The following TMEM132D variants were observed in gnomAD, a reference collection of about 807,000 sequenced individuals.
TMEM132D encodes mature OL transmembrane protein.
Under a neutral mutation model 62.3 loss-of-function variants are expected in TMEM132D, and 21 were observed. The ratio of observed to expected loss-of-function variants is 0.34; its 90% CI spans 0.24 to 0.49. The LOEUF is 0.49. Among genes scored for constraint, TMEM132D ranks in the 20% least tolerant of loss-of-function variants. TMEM132D has a pLI of 0.99. For synonymous variants in TMEM132D, 621 were observed against 575.6 expected, an observed-to-expected ratio of 1.08 and a Z score of -1.13; for missense variants, 1,346 against 1,402.8, an observed-to-expected ratio of 0.96 and a Z score of 0.65.
chr12:129,263,951 C>T (rs1018784711), intron 4 of TMEM132D, among the ~76,000 whole-genome samples: 5 of 152,076 alleles, frequency 3.3e-5, no homozygotes, highest in Non-Finnish European at 5.9e-5. Flanking sequence ...CTGAAGATAG[C>T]GGGAAGATGC....
At chr12:129,180,482 C>A (rs1021749063) in intron 5 of TMEM132D, among the ~76,000 whole-genome samples, 8 of 152,136 alleles carry the variant, frequency 5.3e-5, no homozygotes, top group African/African-American at 9.7e-5. Context: ...TACTGAGCAC[C>A]CACTGTATAC....
chr12:129,413,645 T>C (rs79005909), intron 3 of TMEM132D, among the ~76,000 whole-genome samples: 25,658 of 152,156 alleles, frequency 0.17, 2,458 homozygotes, highest in Non-Finnish European at 0.22. Context: ...ATTAGTCTTT[T>C]GAAAATGATA....
At chr12:129,175,923 T>G (rs1187070080) in intron 5 of TMEM132D, among the ~76,000 whole-genome samples, 1 of 152,248 alleles carries the variant, frequency 6.6e-6, no homozygotes, top group Non-Finnish European at 1.5e-5. Context: ...GTAAAATGTC[T>G]GGCAGAGTCC....
intron 5 of TMEM132D, among the ~76,000 whole-genome samples, chr12:129,105,991 A>G (rs1484260018): frequency 3.3e-5 from 5 of 151,842 alleles, no homozygotes; most frequent in Admixed American, 6.6e-5. Context: ...GGCACTATTC[A>G]CGATAGCAAA....
rs184821108 is a variant in TMEM132D, at chr12:129,275,241, A to G, written c.1299+62393T>C. ...TGCTGTAGTGAGCCATGATTGCACC[A>G]CTGCACTACAGCCTGGGTGACAAAG... On this transcript the variant is annotated intron_variant, in intron 4 of 8. Transcript: ENST00000422113. 3.7e-3 allele frequency among the ~76,000 whole-genome samples: 558 copies of G among 152,316 alleles called. 3 individuals are homozygous for G. Among genetic ancestry groups the G allele is most frequent in the Admixed American group, 5.8e-3 (88 of 15,296 alleles).
At chr12:129,116,918 CAAAAAAAAAAAAAAAA>C (rs60513263) in intron 5 of TMEM132D, among the ~76,000 whole-genome samples, 3 of 58,990 alleles carry the variant, frequency 5.1e-5, no homozygotes, top group South Asian at 2.1e-3. Flanking sequence ...AAAATTTCCG[CAAAAAAAAAAAAAAAA>C]AAAAAAAAAA....
intron 2 of TMEM132D, among the ~76,000 whole-genome samples, chr12:129,541,828 G>A (rs1480903326): frequency 2.0e-5 from 3 of 152,098 alleles, no homozygotes; most frequent in South Asian, 2.1e-4. Context: ...TAGCTATGAT[G>A]ATGATTATTA....
At chr12:129,865,517 G>T (rs1170867141) in intron 1 of TMEM132D, among the ~76,000 whole-genome samples, 1 of 152,106 alleles carries the variant, frequency 6.6e-6, no homozygotes, top group African/African-American at 2.4e-5. Flanking sequence ...ACAGTTCTAC[G>T]AACACTCCAA....
At chr12:129,850,645 G>A (rs914557650) in intron 1 of TMEM132D, among the ~76,000 whole-genome samples, 1 of 152,152 alleles carries the variant, frequency 6.6e-6, no homozygotes, top group Non-Finnish European at 1.5e-5. Flanking sequence ...TAGGAATCAG[G>A]ACGTTTTCTA....
At chr12:129,237,951 T>C (rs1490638078) in intron 4 of TMEM132D, among the ~76,000 whole-genome samples, 1 of 152,202 alleles carries the variant, frequency 6.6e-6, no homozygotes, top group Non-Finnish European at 1.5e-5. Context: ...GTATTCTAAA[T>C]ATGTGAATCA....
intron 4 of TMEM132D, among the ~76,000 whole-genome samples, chr12:129,306,834 G>A (rs183184218): frequency 5.1e-4 from 77 of 152,304 alleles, no homozygotes; most frequent in Non-Finnish European, 8.8e-4. Context: ...AGACAACAAT[G>A]AGAACTCCAG....
At chr12:129,390,261 C>T in intron 3 of TMEM132D, among the ~76,000 whole-genome samples, 1 of 152,190 alleles carries the variant, frequency 6.6e-6, no homozygotes, top group East Asian at 1.9e-4. Flanking sequence ...CACTGCTCCA[C>T]CCTTCCATTT....
Position 129,838,246 on chromosome 12 carries a change from C to A in TMEM132D, c.79+65015G>T, listed in dbSNP as rs541704827. ...TGTCTTTCCTAAATCACTCATCAACCCAGGTATGACCAAGGAAAAAGGACT... is the reference window on the plus strand; with the variant it reads ...TGTCTTTCCTAAATCACTCATCAACACAGGTATGACCAAGGAAAAAGGACT... On this transcript the variant is annotated intron_variant, in intron 1 of 8. Transcript: ENST00000422113. Among the ~76,000 whole-genome samples the A allele has an allele frequency of 4.5e-4, 69 of 152,288 alleles. 1 individual carries two copies. The South Asian group carries it at 0.014, about 32-fold the overall frequency.
chr12:129,451,196 G>A (rs1873277454), intron 3 of TMEM132D, among the ~76,000 whole-genome samples: 1 of 152,132 alleles, frequency 6.6e-6, no homozygotes, highest in African/African-American at 2.4e-5. Context: ...ACAATGTGAA[G>A]CTTGGCTAAG....
chr12:129,644,822 C>CAAA (rs56371039), intron 2 of TMEM132D, among the ~76,000 whole-genome samples: 1,582 of 126,878 alleles, frequency 0.012, 21 homozygotes, highest in Admixed American at 0.035. Context: ...ACTAAAAATA[C>CAAA]AAAAAAAAAA....
At position 129,074,766 on chromosome 12, in the gene TMEM132D, G is replaced by A. The variant is rs769917403; in HGVS notation, c.2409C>T (p.Asn803=). Residue 803 remains asparagine, a synonymous_variant, in exon 9 of 9, where the codon AAC becomes AAT. Transcript: ENST00000422113. ...TGTGTCTGCTGTCACTGGTGTTGGG[G>A]TTAGCATCGTTTTGGCCAAATTTAA... ...IKVKFGQNDA[N]PNTSDSRHTG... 37 of 1,613,958 alleles carry A rather than the reference G, an allele frequency of 2.3e-5. No homozygotes were observed. Among genetic ancestry groups the A allele is most frequent in the Admixed American group, 3.3e-5 (2 of 59,978 alleles).
At chr12:129,288,345 G>A (rs564195888) in intron 4 of TMEM132D, among the ~76,000 whole-genome samples, 2 of 152,216 alleles carry the variant, frequency 1.3e-5, no homozygotes, top group East Asian at 1.9e-4. Context: ...TATCTGATAC[G>A]GGGTTAATTC....
chr12:129,801,359 G>GCCA (rs1555232631), intron 1 of TMEM132D, among the ~76,000 whole-genome samples: 1 of 150,654 alleles, frequency 6.6e-6, no homozygotes, highest in South Asian at 2.1e-4. Context: ...TGGGCAGACT[G>GCCA]CCTCAAGTGG....
At chr12:129,698,040 A>G (rs1397870807) in intron 2 of TMEM132D, 1 of 152,198 alleles carries the variant, frequency 6.6e-6, no homozygotes, top group East Asian at 1.9e-4. Context: ...GGCAGACGGT[A>G]TGAAACGGTG....
Sources: gnomAD v4.1 joint callset for allele counts (sites outside exome capture counted in the v4.1 genomes callset) on GRCh38, gnomAD v4.1.1 for gene constraint, MANE v1.5 for transcripts, NCBI Gene and HGNC (gene_info 2026-07-23, HGNC 2026-07-21) for gene names.